Variants in CCNB2 observed in about 807,000 individuals in gnomAD.
CCNB2 encodes G2/mitotic-specific cyclin-B2.
Under a neutral mutation model 51.1 loss-of-function variants are expected in CCNB2, and 39 were observed. The observed-to-expected ratio is 0.76, with a 90% CI of 0.59 to 1.00. CCNB2 has a LOEUF of 1.00. Among genes scored for constraint, CCNB2 ranks in the 50% least tolerant of loss-of-function variants. CCNB2 has a pLI of 0.00. For missense variants in CCNB2, 472 were observed against 470.3 expected (o/e 1.00, Z -0.03); for synonymous variants, 174 against 165.5 (o/e 1.05, Z -0.40).
Position 59,107,421 on chromosome 15 carries a change from G to A in CCNB2, c.124G>A (p.Val42Ile). The change falls in exon 2 of 9, where the codon GTT becomes ATT. Residue 42 changes from valine (V) to isoleucine (I), a missense_variant. By Grantham distance (29) the Val-to-Ile change is conservative. Transcript: ENST00000288207. Reference sequence around the variant, plus strand: ...TGTTTTAGAAGAAATTGGAAATAGAGTTACAACCAGAGCAGCACAAGTAGC... The same window carrying A: ...TGTTTTAGAAGAAATTGGAAATAGAATTACAACCAGAGCAGCACAAGTAGC... ...RTVLEEIGNRVTTRAAQVAKK... is the reference protein window; with the variant it reads ...RTVLEEIGNRITTRAAQVAKK... 1.2e-6 allele frequency: 2 copies of A among 1,613,738 alleles called. No individual in the cohort carries two copies. The highest frequency in any genetic ancestry group is 1.7e-6 in the Non-Finnish European group (2 of 1,179,952).
Position 59,114,892 on chromosome 15 carries a change from G to A in CCNB2, c.597+16G>A. 6.2e-7 allele frequency: 1 copy of A among 1,603,194 alleles called. No homozygotes were observed. The highest frequency in any genetic ancestry group is 2.2e-5 in the East Asian group (1 of 44,612). On this transcript the variant is annotated intron_variant, in intron 5 of 8. Coordinates refer to ENST00000288207, the MANE Select transcript of CCNB2 (RefSeq NM_004701.4). The stretch of plus-strand genomic sequence containing the variant: ...ATTTTTACAGGTAGGTGTGGCTTCA[G>A]GGACTTCACGCCAGTGGCTCATTGA...
In CCNB2 at chr15:59,114,459, C is replaced by A; in HGVS notation, c.283C>A (p.Pro95Thr). Residue 95 changes from proline (P) to threonine (T), a missense_variant, in exon 4 of 9, where the codon CCT (proline) becomes ACT (threonine). Pro to Thr is a conservative substitution (Grantham distance 38). Transcript: ENST00000288207. ...GTTGGTGTAGGGTCCTTCTCCCACA[C>A]CTGAGGATGTCTCCATGAAGGAAGA... ...KLAPKGPSPT[P>T]EDVSMKEENL... 6.2e-7 allele frequency: 1 copy of A among 1,607,298 alleles called. No individual in the cohort carries two copies. Among genetic ancestry groups the A allele is most frequent in the Non-Finnish European group, 8.5e-7 (1 of 1,176,630 alleles).
At chr15:59,112,771 A>G (rs1711507831) in intron 3 of CCNB2, among the ~76,000 whole-genome samples, 2 of 152,014 alleles carry the variant, frequency 1.3e-5, no homozygotes, top group South Asian at 4.2e-4. Context: ...GCAGTGGCTC[A>G]AGCCTGTAAT....
At chr15:59,107,165 T>C (rs2079238540) in intron 1 of CCNB2, among the ~76,000 whole-genome samples, 157 bp from the exon 2 acceptor site, 1 of 152,238 alleles carries the variant, frequency 6.6e-6, no homozygotes, top group South Asian at 2.1e-4. Flanking sequence ...TAATCACAAA[T>C]AGCATTTTTA....
chr15:59,114,365 A>T, intron 3 of CCNB2, 79 bp from the exon 4 acceptor site: 1 of 1,027,360 alleles, frequency 9.7e-7, no homozygotes, highest in Non-Finnish European at 1.4e-6. Context: ...TGCGTATGAT[A>T]TTGATATTTA....
intron 7 of CCNB2, among the ~76,000 whole-genome samples, chr15:59,117,630 C>T (rs1308387799): frequency 6.6e-6 from 1 of 152,094 alleles, no homozygotes; most frequent in Non-Finnish European, 1.5e-5. Flanking sequence ...GACCATGCCT[C>T]GCTAATTTTT....
At chr15:59,107,254 A>G in intron 1 of CCNB2, 68 bp from the exon 2 acceptor site, 1 of 1,395,464 alleles carries the variant, frequency 7.2e-7, no homozygotes, top group Non-Finnish European at 9.8e-7. Context: ...TCTAAATTTG[A>G]GTATCTAACA....
chr15:59,122,583 A>C (rs1421006893), intron 7 of CCNB2, among the ~76,000 whole-genome samples: 2 of 134,470 alleles, frequency 1.5e-5, no homozygotes, highest in Non-Finnish European at 3.1e-5. Context: ...TGTGTTGCCC[A>C]GGCTGGAGTG....
chr15:59,123,188 G>GT (rs1387346117), intron 7 of CCNB2, among the ~76,000 whole-genome samples: 1 of 152,160 alleles, frequency 6.6e-6, no homozygotes, highest in Non-Finnish European at 1.5e-5. Context: ...GGGGCACTTT[G>GT]TTTTAAGTGT....
chr15:59,113,687 G>C (rs1307407849), intron 3 of CCNB2, among the ~76,000 whole-genome samples: 1 of 152,118 alleles, frequency 6.6e-6, no homozygotes, highest in Non-Finnish European at 1.5e-5. Context: ...TAGGGTAGGA[G>C]GACAGGGATT....
At position 59,105,163 on chromosome 15, in the gene CCNB2, C is replaced by T; in HGVS notation, c.-106C>T. The T allele has an allele frequency of 9.6e-7, 1 of 1,043,982 alleles. No individual in the cohort carries two copies. 64.7% of individuals were successfully genotyped at this position (1,043,982 alleles called of 1,614,324 possible). A position where few individuals can be genotyped will look rare whatever the true frequency, so the allele number is the denominator to read the frequency against. ...ACAGCGTCGAAGATCCCCAGCGCTGCGGGCTCGGAGAGCAGTCCTAACGGC... is the reference window on the plus strand; with the variant it reads ...ACAGCGTCGAAGATCCCCAGCGCTGTGGGCTCGGAGAGCAGTCCTAACGGC... On this transcript the variant is annotated 5_prime_UTR_variant, in exon 1 of 9. Transcript: ENST00000288207.
intron 7 of CCNB2, among the ~76,000 whole-genome samples, chr15:59,123,028 T>A (rs1173606573): frequency 6.6e-6 from 1 of 152,212 alleles, no homozygotes; most frequent in African/African-American, 2.4e-5. Flanking sequence ...CTGGATTTGA[T>A]AGATTGTTGC....
In CCNB2 at chr15:59,105,258, C is replaced by A. The variant is rs1350905574; in HGVS notation, c.-11C>A. The A allele has an allele frequency of 1.3e-6, 2 of 1,566,278 alleles. No individual in the cohort carries two copies. The highest frequency in any genetic ancestry group is 2.3e-5 in the South Asian group (2 of 85,382). Reference sequence around the variant, plus strand: ...TGGGCCGGGCTGGCACTCTTGCCTTCCCCGTCCCTCATGGCGCTGCTCCGA... The same window carrying A: ...TGGGCCGGGCTGGCACTCTTGCCTTACCCGTCCCTCATGGCGCTGCTCCGA... On this transcript the variant is annotated 5_prime_UTR_variant, in exon 1 of 9. Transcript: ENST00000288207.
rs2079310304 is a variant in CCNB2, at chr15:59,123,154, G to C, written c.976-363G>C. Among the ~76,000 whole-genome samples, 3 of 152,220 alleles carry C rather than the reference G, an allele frequency of 2.0e-5. No homozygotes were observed. The South Asian group carries it at 6.2e-4, about 32-fold the overall frequency. On this transcript the variant is annotated intron_variant, in intron 7 of 8. Transcript: ENST00000288207. Reference sequence around the variant, plus strand: ...GGGCAGGGCTTTGATGCAGGGTTGTGTGAGATGTGGCCAGCACTGTAAAGG... The same window carrying C: ...GGGCAGGGCTTTGATGCAGGGTTGTCTGAGATGTGGCCAGCACTGTAAAGG...
chr15:59,105,893 T>C (rs1385934429), intron 1 of CCNB2, among the ~76,000 whole-genome samples: 1 of 152,242 alleles, frequency 6.6e-6, no homozygotes, highest in Non-Finnish European at 1.5e-5. Flanking sequence ...AATTAATTTC[T>C]TTACTCAAAT....
At chr15:59,119,648 C>T (rs1403182797) in intron 7 of CCNB2, among the ~76,000 whole-genome samples, 2 of 152,030 alleles carry the variant, frequency 1.3e-5, no homozygotes, top group African/African-American at 4.8e-5. Context: ...TAGGATAAAA[C>T]AAATTTATTC....
chr15:59,116,965 G>A, intron 6 of CCNB2, 39 bp downstream of exon 6: 1 of 1,505,750 alleles, frequency 6.6e-7, no homozygotes, highest in Non-Finnish European at 9.2e-7. Context: ...ATTTTTGCTT[G>A]GTGTCTCATC....
At chr15:59,111,780 A>T (rs1173881492) in intron 3 of CCNB2, among the ~76,000 whole-genome samples, 1 of 150,578 alleles carries the variant, frequency 6.6e-6, no homozygotes, top group East Asian at 1.9e-4. Flanking sequence ...TACCCTGGGT[A>T]CCTCTACTCA....
chr15:59,124,377 C>T (rs1437422319), intron 8 of CCNB2: 1 of 219,060 alleles, frequency 4.6e-6, no homozygotes, highest in South Asian at 6.1e-5. Flanking sequence ...CTAGTTGCCA[C>T]CCTCTTTTAT....
Sources: allele counts gnomAD v4.1 joint callset (sites outside exome capture counted in the v4.1 genomes callset), GRCh38; gene constraint gnomAD v4.1.1; transcripts MANE v1.5; gene names NCBI Gene and HGNC (gene_info 2026-07-23, HGNC 2026-07-21).